Variants in INSC observed in about 807,000 individuals in gnomAD.
INSC encodes INSC spindle orientation adaptor protein, also known as protein inscuteable homolog.
In INSC, 67 loss-of-function variants were observed where a neutral mutation model predicts 58.6. The ratio of observed to expected loss-of-function variants is 1.14; its 90% CI spans 0.94 to 1.40. INSC has a LOEUF of 1.40. Ranked by LOEUF, INSC falls within the 40% of genes most tolerant of loss-of-function variation. INSC has a pLI of 0.00. For synonymous variants in INSC, 262 were observed against 276.1 expected, an observed-to-expected ratio of 0.95 and a Z score of 0.51; for missense variants, 714 against 692.0, an observed-to-expected ratio of 1.03 and a Z score of -0.36.
chr11:15,134,157 G>A (rs2133710566), intron 1 of INSC, among the ~76,000 whole-genome samples: 1 of 152,286 alleles, frequency 6.6e-6, no homozygotes, highest in South Asian at 2.1e-4. Flanking sequence ...AGGAATATGT[G>A]TAAGACACTT....
At chr11:15,153,078 G>A (rs1234960169) in intron 2 of INSC, among the ~76,000 whole-genome samples, 2 of 152,118 alleles carry the variant, frequency 1.3e-5, no homozygotes, top group South Asian at 2.1e-4. Context: ...TATGGAGTGC[G>A]GGCCATCTGC....
chr11:15,269,275 G>A, the INSC span, among the ~76,000 whole-genome samples: 3 of 151,902 alleles, frequency 2.0e-5, no homozygotes, highest in Non-Finnish European at 4.4e-5. Context: ...TATTAAAGTA[G>A]CCTATTAAAT....
intron 2 of INSC, among the ~76,000 whole-genome samples, chr11:15,158,104 C>A (rs1848881148): frequency 6.6e-6 from 1 of 152,032 alleles, no homozygotes; most frequent in Non-Finnish European, 1.5e-5. Flanking sequence ...AGGCTTCTGT[C>A]TTTCTTCTCT....
intron 9 of INSC, among the ~76,000 whole-genome samples, 171 bp downstream of exon 9, chr11:15,225,999 T>C (rs182217079): frequency 1.6e-4 from 25 of 152,256 alleles, no homozygotes; most frequent in African/African-American, 5.5e-4. Context: ...GTAGCCTCTC[T>C]ATGAGAACTC....
At chr11:15,129,646 T>C (rs1430059175) in intron 1 of INSC, among the ~76,000 whole-genome samples, 1 of 152,236 alleles carries the variant, frequency 6.6e-6, no homozygotes, top group Non-Finnish European at 1.5e-5. Flanking sequence ...TGTTGCTTTG[T>C]TAATGACCTC....
chr11:15,239,117 AT>A, intron 11 of INSC, 43 bp downstream of exon 11: 3 of 1,576,954 alleles, frequency 1.9e-6, no homozygotes, highest in Non-Finnish European at 2.6e-6. Flanking sequence ...GAGTGGGGGT[AT>A]TGGGGGTGGG....
intron 7 of INSC, among the ~76,000 whole-genome samples, chr11:15,208,107 C>A (rs1850878385): frequency 6.6e-6 from 1 of 152,096 alleles, no homozygotes. Context: ...GCTGTGAATG[C>A]AAGGCAAAAA....
chr11:15,169,878 C>G (rs1436820433), intron 2 of INSC, among the ~76,000 whole-genome samples: 1 of 152,196 alleles, frequency 6.6e-6, no homozygotes, highest in African/African-American at 2.4e-5. Context: ...GCACATTTGT[C>G]ACAACTAAGG....
upstream of INSC, chr11:15,112,606 G>C: frequency 1.5e-6 from 1 of 662,226 alleles, no homozygotes; most frequent in African/African-American, 2.6e-5. Flanking sequence ...GTGTGTGTGT[G>C]TGTGTGTGTG....
intron 7 of INSC, among the ~76,000 whole-genome samples, chr11:15,219,140 G>A (rs1458699631): frequency 6.6e-6 from 1 of 152,130 alleles, no homozygotes; most frequent in Admixed American, 6.5e-5. Flanking sequence ...AGATTCTCAA[G>A]CCTCTCTGGC....
chr11:15,236,320 A>G (rs907381332), intron 10 of INSC, among the ~76,000 whole-genome samples: 15 of 152,082 alleles, frequency 9.9e-5, no homozygotes, highest in African/African-American at 2.9e-4. Flanking sequence ...TGCTATTTTA[A>G]TAGGGTCATG....
chr11:15,158,157 C>T (rs1041734563), intron 2 of INSC, among the ~76,000 whole-genome samples: 3 of 152,046 alleles, frequency 2.0e-5, no homozygotes, highest in Admixed American at 6.6e-5. Context: ...TACTCTCCTG[C>T]CTAGGATTTA....
At chr11:15,176,158 C>G in intron 3 of INSC, 72 bp downstream of exon 3, 1 of 1,242,726 alleles carries the variant, frequency 8.0e-7, no homozygotes, top group Non-Finnish European at 1.1e-6. Flanking sequence ...GGGTTTGAAT[C>G]ATGTGGTGTC....
intron 1 of INSC, among the ~76,000 whole-genome samples, chr11:15,116,859 C>T (rs12794045): frequency 0.012 from 391 of 33,258 alleles, 3 homozygotes; most frequent in African/African-American, 0.024. Context: ...CTCTCTCTCT[C>T]TCTCTCTCTC....
At chr11:15,264,697 C>A in the INSC span, among the ~76,000 whole-genome samples, 8 of 151,240 alleles carry the variant, frequency 5.3e-5, no homozygotes, top group Non-Finnish European at 1.0e-4. Context: ...TTTGAAAGGC[C>A]CCTTTAGTTA....
chr11:15,173,774 G>A (rs1038579045), intron 2 of INSC, among the ~76,000 whole-genome samples: 17 of 152,010 alleles, frequency 1.1e-4, no homozygotes, highest in African/African-American at 4.1e-4. Flanking sequence ...GAAATCATAT[G>A]TTCAATTTCA....
At chr11:15,258,140 T>TA in the INSC span, among the ~76,000 whole-genome samples, 1 of 152,234 alleles carries the variant, frequency 6.6e-6, no homozygotes, top group Non-Finnish European at 1.5e-5. Flanking sequence ...TATTATTCTC[T>TA]ATACTTTTTA....
At chr11:15,245,509 C>A (rs897723911) in intron 12 of INSC, among the ~76,000 whole-genome samples, 2 of 152,194 alleles carry the variant, frequency 1.3e-5, no homozygotes, top group Non-Finnish European at 2.9e-5. Context: ...TCCCTGTCTA[C>A]TTTTACAATA....
intron 7 of INSC, among the ~76,000 whole-genome samples, chr11:15,204,059 G>T (rs1850701366): frequency 6.6e-6 from 1 of 152,204 alleles, no homozygotes; most frequent in Non-Finnish European, 1.5e-5. Context: ...GCCATCTATA[G>T]AAAATTCTTG....
Sources: allele counts gnomAD v4.1 joint callset (sites outside exome capture counted in the v4.1 genomes callset), GRCh38; gene constraint gnomAD v4.1.1; transcripts MANE v1.5; gene names NCBI Gene and HGNC (gene_info 2026-07-23, HGNC 2026-07-21).